Variants in NSD1 observed in about 807,000 individuals in gnomAD.
The protein encoded by NSD1 is histone-lysine N-methyltransferase, H3 lysine-36 specific.
In NSD1, 26 loss-of-function variants were observed where a neutral mutation model predicts 242.7. The ratio of observed to expected loss-of-function variants is 0.11; its 90% confidence interval spans 0.08 to 0.15. The LOEUF (loss-of-function observed/expected upper bound fraction) is 0.15. Ranked by LOEUF, NSD1 falls within the 10% of genes least tolerant of loss-of-function variation. The pLI, the probability that NSD1 is intolerant of heterozygous loss-of-function variation, is 1.00. For synonymous variants in NSD1, 1,106 were observed against 1,178.1 expected (o/e 0.94, Z 1.25); for missense variants, 2,495 against 3,272.8 (o/e 0.76, Z 5.80).
intron 2 of NSD1, among the ~76,000 whole-genome samples, chr5:177,188,844 TA>T (rs144957691): frequency 0.026 from 3,884 of 150,304 alleles, 51 homozygotes; most frequent in African/African-American, 0.029. Flanking sequence ...TTTGTCATTT[TA>T]AAAAAAAAAT....
intron 3 of NSD1, among the ~76,000 whole-genome samples, chr5:177,197,792 T>C (rs1254578941): frequency 6.6e-6 from 1 of 152,156 alleles, no homozygotes; most frequent in Non-Finnish European, 1.5e-5. Context: ...TGGTCAATTT[T>C]GCTGAGTGTT....
At chr5:177,267,216 G>T (rs1757566054) in intron 14 of NSD1, among the ~76,000 whole-genome samples, 1 of 152,180 alleles carries the variant, frequency 6.6e-6, no homozygotes, top group South Asian at 2.1e-4. Flanking sequence ...TACTACTTAT[G>T]TGTCAGACGC....
intron 4 of NSD1, among the ~76,000 whole-genome samples, chr5:177,205,948 C>T (rs957286120): frequency 4.6e-5 from 7 of 152,012 alleles, no homozygotes; most frequent in African/African-American, 1.4e-4. Context: ...CTCAGTCTCC[C>T]GAGTAGCTGG....
At chr5:177,157,331 A>G (rs1341971302) in intron 2 of NSD1, among the ~76,000 whole-genome samples, 1 of 152,012 alleles carries the variant, frequency 6.6e-6, no homozygotes, top group Non-Finnish European at 1.5e-5. Flanking sequence ...GTGCTGTTGC[A>G]CTCCAGCCTG....
chr5:177,239,095 A>C (rs1765660902), intron 7 of NSD1, among the ~76,000 whole-genome samples: 1 of 152,232 alleles, frequency 6.6e-6, no homozygotes, highest in Non-Finnish European at 1.5e-5. Flanking sequence ...ATAGTCAGTC[A>C]AGGAATGGCA....
rs77565574 is a variant in NSD1 at position 177,220,069 on chromosome 5, T to C, written c.3796+7874T>C. 9.8e-5 allele frequency among the ~76,000 whole-genome samples: 15 copies of C among 152,344 alleles called. 1 individual carries two copies. In the East Asian group the frequency reaches 1.9e-3, roughly 20 times the overall value. On this transcript the variant is annotated intron_variant, in intron 5 of 22. Coordinates refer to ENST00000439151, the MANE Select transcript of NSD1 (RefSeq NM_022455.5). ...ATTGGTGTTTTATATATGTTTGTTA[T>C]ATGCAATTGTTCAAGTCCTCTGTTT...
intron 2 of NSD1, among the ~76,000 whole-genome samples, chr5:177,161,680 C>CTTTTTTTTTT (rs57657595): frequency 4.4e-5 from 6 of 135,240 alleles, no homozygotes; most frequent in African/African-American, 8.4e-5. Context: ...TTCTTTCTTT[C>CTTTTTTTTTT]TTTTTTTTTT....
intron 14 of NSD1, chr5:177,265,532 T>G (rs1356949170): frequency 1.3e-6 from 1 of 797,198 alleles, no homozygotes; most frequent in East Asian, 2.6e-5. Flanking sequence ...CTAGGAATGC[T>G]CAGCCCCTGG....
chr5:177,163,368 C>G (rs1355523915), intron 2 of NSD1, among the ~76,000 whole-genome samples: 1 of 151,718 alleles, frequency 6.6e-6, no homozygotes, highest in Non-Finnish European at 1.5e-5. Context: ...GTCTTGAACT[C>G]CTGACCTCAT....
chr5:177,261,108 C>T (rs1262604170), intron 14 of NSD1, among the ~76,000 whole-genome samples: 2 of 152,040 alleles, frequency 1.3e-5, no homozygotes, highest in Admixed American at 1.3e-4. Context: ...TGAAGTGGTA[C>T]AATCTCGGCT....
chr5:177,176,264 C>CA (rs1335750898), intron 2 of NSD1, among the ~76,000 whole-genome samples: 2 of 143,262 alleles, frequency 1.4e-5, no homozygotes, highest in Non-Finnish European at 3.1e-5. Context: ...ATTCTTCTTC[C>CA]TTTTTTTTTT....
chr5:177,251,871 C>T lies in NSD1; in HGVS notation c.4765+18C>T, dbSNP rs751340849. 2.1e-5 allele frequency: 34 copies of T among 1,613,864 alleles called. No individual in the cohort carries two copies. Among genetic ancestry groups the T allele is most frequent in the South Asian group, 3.3e-5 (3 of 91,086 alleles). Reference sequence around the variant, plus strand: ...TCGCACAGGTAAAGTAGATATCGAACGGTCTTCCTCCAAAGAAAGTTTGAA... The same window carrying T: ...TCGCACAGGTAAAGTAGATATCGAATGGTCTTCCTCCAAAGAAAGTTTGAA... On this transcript the variant is annotated intron_variant, in intron 12 of 22. Coordinates refer to ENST00000439151, the MANE Select transcript of NSD1 (RefSeq NM_022455.5).
At chr5:177,160,363 C>T (rs1437611713) in intron 2 of NSD1, among the ~76,000 whole-genome samples, 1 of 151,874 alleles carries the variant, frequency 6.6e-6, no homozygotes, top group African/African-American at 2.4e-5. Context: ...CTGGAATCCA[C>T]ACTCTAGGCT....
At chr5:177,275,432 TGTC>T (rs1310083438) in intron 17 of NSD1, among the ~76,000 whole-genome samples, 7 of 134,290 alleles carry the variant, frequency 5.2e-5, no homozygotes, top group African/African-American at 1.9e-4. Context: ...GTGCTTCCCT[TGTC>T]TTTTTTTTTT....
chr5:177,264,687 AT>A (rs1260896707), intron 14 of NSD1: 1 of 541,146 alleles, frequency 1.8e-6, no homozygotes, highest in Non-Finnish European at 3.4e-6. Flanking sequence ...TCCCACTCTT[AT>A]TTTAAGAGCT....
At chr5:177,266,595 C>G (rs1419579268) in intron 14 of NSD1, 1 of 670,096 alleles carries the variant, frequency 1.5e-6, no homozygotes, top group African/African-American at 1.9e-5. Flanking sequence ...CCATCTTCAC[C>G]CGCACCTACT....
intron 2 of NSD1, among the ~76,000 whole-genome samples, chr5:177,171,777 G>A (rs905704402): frequency 2.0e-5 from 3 of 152,194 alleles, no homozygotes; most frequent in African/African-American, 7.2e-5. Context: ...ATGTTGTAGT[G>A]TGTATCAGGA....
chr5:177,266,412 C>T (rs1016667699), intron 14 of NSD1: 3 of 634,556 alleles, frequency 4.7e-6, no homozygotes, highest in Admixed American at 2.1e-5. Flanking sequence ...AGCCCACATC[C>T]AGCACCACCT....
At chr5:177,236,027 G>A in intron 6 of NSD1, 82 bp downstream of exon 6, 1 of 1,465,206 alleles carries the variant, frequency 6.8e-7, no homozygotes, top group South Asian at 1.2e-5. Flanking sequence ...TTATCTTCAT[G>A]AAACAATAAT....
Sources: allele counts gnomAD v4.1 joint callset (sites outside exome capture counted in the v4.1 genomes callset), GRCh38; gene constraint gnomAD v4.1.1; transcripts MANE v1.5; gene names NCBI Gene and HGNC (gene_info 2026-07-23, HGNC 2026-07-21).